Variants in LRRC7 observed in about 807,000 individuals in gnomAD.
LRRC7 encodes the protein leucine-rich repeat-containing protein 7.
LRRC7 carries 23 observed loss-of-function variants against 175.7 expected under a neutral mutation model. The observed-to-expected ratio is 0.13, with a 90% CI of 0.09 to 0.19. LRRC7 has a LOEUF of 0.19. LRRC7 is among the 10% of genes least tolerant of loss of function. The pLI is 1.00. For synonymous variants in LRRC7, 685 were observed against 680.9 expected (o/e 1.01, Z -0.09); for missense variants, 1,354 against 1,904.7 (o/e 0.71, Z 5.38).
chr1:69,853,139 CTA>C (rs1175626104), intron 7 of LRRC7, among the ~76,000 whole-genome samples: 1 of 151,946 alleles, frequency 6.6e-6, no homozygotes, highest in African/African-American at 2.4e-5. Flanking sequence ...ATTATAAATA[CTA>C]TGTTCGAATG....
intron 1 of LRRC7, among the ~76,000 whole-genome samples, chr1:69,574,226 TAAAAC>T (rs961106956): frequency 2.0e-5 from 3 of 152,068 alleles, no homozygotes; most frequent in Admixed American, 1.3e-4. Flanking sequence ...TAGCTGACCT[TAAAAC>T]AAAACAATAG....
At chr1:69,940,245 T>G (rs1457255048) in intron 8 of LRRC7, among the ~76,000 whole-genome samples, 1 of 152,148 alleles carries the variant, frequency 6.6e-6, no homozygotes, top group Non-Finnish European at 1.5e-5. Context: ...CAGACTCCAC[T>G]GTCATACATT....
chr1:69,836,934 T>A (rs1377240364), intron 6 of LRRC7, among the ~76,000 whole-genome samples: 2 of 150,520 alleles, frequency 1.3e-5, no homozygotes, highest in African/African-American at 4.9e-5. Flanking sequence ...ACAGTAAATA[T>A]GGGAGATGTA....
intron 8 of LRRC7, among the ~76,000 whole-genome samples, chr1:69,943,177 T>C (rs1648916991): frequency 6.6e-6 from 1 of 152,064 alleles, no homozygotes; most frequent in Admixed American, 6.6e-5. Flanking sequence ...TTATTGATAA[T>C]AGGCAAGAAG....
intron 2 of LRRC7, among the ~76,000 whole-genome samples, chr1:69,752,244 C>T (rs931518990): frequency 6.6e-6 from 1 of 152,034 alleles, no homozygotes; most frequent in East Asian, 1.9e-4. Flanking sequence ...ATTTCCATAT[C>T]CCTGTGGCAC....
At chr1:70,121,722 C>T in intron 26 of LRRC7, 58 bp from the exon 27 acceptor site, 1 of 1,126,778 alleles carries the variant, frequency 8.9e-7, no homozygotes, top group South Asian at 1.5e-5. Context: ...TGAATAGAAA[C>T]AACGATACAG....
At chr1:69,615,082 C>T (rs552578637) in intron 1 of LRRC7, among the ~76,000 whole-genome samples, 67 of 152,154 alleles carry the variant, frequency 4.4e-4, no homozygotes, top group African/African-American at 1.5e-3. Flanking sequence ...ATGCAATTAT[C>T]TCTGCTTTAA....
chr1:69,828,793 A>G (rs1424971390), intron 5 of LRRC7, among the ~76,000 whole-genome samples: 1 of 152,034 alleles, frequency 6.6e-6, no homozygotes, highest in Non-Finnish European at 1.5e-5. Flanking sequence ...CTTTCCAGCT[A>G]GAATAGAAAC....
At chr1:69,909,345 A>G (rs1222788723) in intron 7 of LRRC7, among the ~76,000 whole-genome samples, 1 of 152,060 alleles carries the variant, frequency 6.6e-6, no homozygotes, top group African/African-American at 2.4e-5. Context: ...TCGTTAGTTG[A>G]TGCAGTTTTC....
At chr1:69,907,502 G>A (rs1419831909) in intron 7 of LRRC7, among the ~76,000 whole-genome samples, 1 of 152,130 alleles carries the variant, frequency 6.6e-6, no homozygotes, top group Non-Finnish European at 1.5e-5. Flanking sequence ...GGCCTTTTCT[G>A]CATCTGTTGA....
At chr1:69,802,940 T>C (rs1317947441) in intron 4 of LRRC7, among the ~76,000 whole-genome samples, 1 of 151,434 alleles carries the variant, frequency 6.6e-6, no homozygotes, top group East Asian at 1.9e-4. Flanking sequence ...ATTTAATTCA[T>C]TTGCAGTTTA....
chr1:70,125,691 C>T lies in LRRC7; in HGVS notation c.*3804C>T, dbSNP rs1195109341. On this transcript the variant is annotated 3_prime_UTR_variant, in exon 27 of 27. Transcript: ENST00000651989. ...CCTGTAGTCCCAGCTACTTGGGAGG[C>T]TGAGGCAGGAGAATGGCGTGAACCC... Among the ~76,000 whole-genome samples, 2 of 144,366 alleles carry T rather than the reference C, an allele frequency of 1.4e-5. No homozygotes were observed. The highest frequency in any genetic ancestry group is 3.0e-5 in the Non-Finnish European group (2 of 66,086). 94.7% of individuals were successfully genotyped at this position (144,366 alleles called of 152,430 possible). A position where few individuals can be genotyped will look rare whatever the true frequency, so the allele number is the denominator to read the frequency against.
At chr1:69,919,939 T>TA in intron 7 of LRRC7, 2 of 618,430 alleles carry the variant, frequency 3.2e-6, no homozygotes, top group Non-Finnish European at 5.9e-6. Flanking sequence ...TATTTATTGT[T>TA]ACCAAAATGG....
intron 2 of LRRC7, among the ~76,000 whole-genome samples, chr1:69,758,269 G>T (rs1366993469): frequency 1.3e-5 from 2 of 151,984 alleles, no homozygotes; most frequent in Non-Finnish European, 2.9e-5. Flanking sequence ...AAAAGAACAG[G>T]AGTTGGAGAG....
intron 7 of LRRC7, among the ~76,000 whole-genome samples, chr1:69,881,886 A>T (rs1210827753): frequency 9.8e-6 from 1 of 101,676 alleles, no homozygotes; most frequent in Non-Finnish European, 1.9e-5. Flanking sequence ...TCTCCAGATT[A>T]AAAAAAAAAA....
intron 2 of LRRC7, among the ~76,000 whole-genome samples, chr1:69,711,218 G>C (rs1395950552): frequency 1.3e-5 from 2 of 152,182 alleles, no homozygotes; most frequent in African/African-American, 4.8e-5. Flanking sequence ...GAGTGTGGCT[G>C]TTTAAAATTT....
At chr1:70,066,800 A>G (rs1662013532) in intron 23 of LRRC7, among the ~76,000 whole-genome samples, 1 of 152,060 alleles carries the variant, frequency 6.6e-6, no homozygotes, top group African/African-American at 2.4e-5. Context: ...TTGTAAAGAA[A>G]CTACCAAACA....
intron 1 of LRRC7, among the ~76,000 whole-genome samples, chr1:69,621,292 C>A (rs1019645528): frequency 6.6e-6 from 1 of 152,098 alleles, no homozygotes; most frequent in Non-Finnish European, 1.5e-5. Context: ...GTGATCCACC[C>A]GCCTTGACCT....
intron 8 of LRRC7, among the ~76,000 whole-genome samples, chr1:69,970,101 C>G (rs1652077287): frequency 6.6e-6 from 1 of 151,974 alleles, no homozygotes; most frequent in Admixed American, 6.5e-5. Flanking sequence ...GTGATACAAC[C>G]TATCAAAACC....
Sources: gnomAD v4.1 joint callset for allele counts (sites outside exome capture counted in the v4.1 genomes callset) on GRCh38, gnomAD v4.1.1 for gene constraint, MANE v1.5 for transcripts, NCBI Gene and HGNC (gene_info 2026-07-23, HGNC 2026-07-21) for gene names.